The following CADM2 variants were observed in gnomAD, a reference collection of about 807,000 sequenced individuals.
The protein encoded by CADM2 is cell adhesion molecule 2.
A neutral mutation model predicts 49.8 loss-of-function variants in CADM2; 12 were observed. The observed-to-expected ratio is 0.24, with a 90% CI of 0.15 to 0.39. The LOEUF is 0.39. Among genes scored for constraint, CADM2 ranks in the 10% least tolerant of loss-of-function variants. The pLI, the probability that CADM2 is intolerant of heterozygous loss-of-function variation, is 1.00. For missense variants in CADM2, 378 were observed against 492.3 expected (o/e 0.77, Z 2.20); for synonymous variants, 214 against 175.4 (o/e 1.22, Z -1.74).
At chr3:85,897,928 A>G (rs1467680446) in intron 5 of CADM2, among the ~76,000 whole-genome samples, 1 of 152,222 alleles carries the variant, frequency 6.6e-6, no homozygotes, top group African/African-American at 2.4e-5. Context: ...TTAAACTTAT[A>G]GTATATGCCA....
intron 1 of CADM2, among the ~76,000 whole-genome samples, chr3:85,019,536 G>C (rs2034404857): frequency 6.6e-6 from 1 of 152,074 alleles, no homozygotes; most frequent in South Asian, 2.1e-4. Flanking sequence ...TCAGTCCTGA[G>C]CAAACCAAAA....
At chr3:85,481,432 G>T (rs950511518) in intron 1 of CADM2, among the ~76,000 whole-genome samples, 25 of 151,560 alleles carry the variant, frequency 1.6e-4, no homozygotes, top group Admixed American at 1.6e-3. Context: ...AGAGTGAATA[G>T]ATTCTTATTT....
At chr3:85,663,743 T>TA (rs1312561257) in intron 1 of CADM2, among the ~76,000 whole-genome samples, 2 of 151,986 alleles carry the variant, frequency 1.3e-5, no homozygotes, top group Admixed American at 6.6e-5. Flanking sequence ...TCCCTCATCT[T>TA]AAAAAAATTA....
intron 1 of CADM2, among the ~76,000 whole-genome samples, chr3:85,312,364 G>T (rs989668373): frequency 1.5e-4 from 23 of 152,120 alleles, no homozygotes; most frequent in African/African-American, 5.6e-4. Flanking sequence ...GAGATAGGAT[G>T]ACAATGTTGC....
chr3:85,235,601 A>C (rs2107823391), intron 1 of CADM2, among the ~76,000 whole-genome samples: 1 of 152,228 alleles, frequency 6.6e-6, no homozygotes, highest in Non-Finnish European at 1.5e-5. Flanking sequence ...TTGTTTTGTT[A>C]ATCTAGATTT....
chr3:85,497,164 T>C (rs1356349583), intron 1 of CADM2, among the ~76,000 whole-genome samples: 1 of 152,184 alleles, frequency 6.6e-6, no homozygotes, highest in East Asian at 1.9e-4. Context: ...CTCAAGGATT[T>C]TGCCACTTTT....
chr3:84,996,902 C>A (rs1216530241), intron 1 of CADM2, among the ~76,000 whole-genome samples: 1 of 151,952 alleles, frequency 6.6e-6, no homozygotes, highest in East Asian at 1.9e-4. Flanking sequence ...TAGAGGGGAA[C>A]AATTAATTTC....
At chr3:85,713,820 C>T (rs907997280) in intron 1 of CADM2, among the ~76,000 whole-genome samples, 2 of 152,290 alleles carry the variant, frequency 1.3e-5, no homozygotes, top group East Asian at 3.9e-4. Context: ...ATTAGCATGC[C>T]TTAAATACAA....
At chr3:85,273,361 A>C (rs1328572437) in intron 1 of CADM2, among the ~76,000 whole-genome samples, 1 of 151,320 alleles carries the variant, frequency 6.6e-6, no homozygotes, top group African/African-American at 2.4e-5. Context: ...GTTTTTGACA[A>C]TAACACTCTG....
intron 1 of CADM2, among the ~76,000 whole-genome samples, chr3:85,418,066 T>G (rs113855894): frequency 4.1e-4 from 63 of 152,264 alleles, no homozygotes; most frequent in Non-Finnish European, 8.1e-4. Context: ...TATTTGTTTT[T>G]TCAGTAAATA....
intron 1 of CADM2, among the ~76,000 whole-genome samples, chr3:85,721,307 A>G (rs1003068945): frequency 3.3e-5 from 5 of 152,168 alleles, no homozygotes; most frequent in Non-Finnish European, 7.3e-5. Context: ...AACATCTAAT[A>G]TATCTGAATA....
rs368761775 is a variant in CADM2 at position 85,021,109 on chromosome 3, C to G, written c.61+61441C>G. Among the ~76,000 whole-genome samples the G allele has an allele frequency of 3.3e-3, 403 of 123,032 alleles. 2 individuals are homozygous for G. The highest frequency in any genetic ancestry group is 0.012 in the African/African-American group (378 of 31,774). 80.7% of individuals were successfully genotyped at this position (123,032 alleles called of 152,430 possible). A position where few individuals can be genotyped will look rare whatever the true frequency, so the allele number is the denominator to read the frequency against. On this transcript the variant is annotated intron_variant, in intron 1 of 9. Transcript: ENST00000383699. ...TACAGCCTGGGTGACAGAGTGAGAC[C>G]CTGTCTCAAAAAAAAAAAAAAAAAG...
intron 1 of CADM2, among the ~76,000 whole-genome samples, chr3:85,091,945 A>G (rs897405094): frequency 1.3e-5 from 2 of 152,166 alleles, no homozygotes; most frequent in African/African-American, 2.4e-5. Context: ...AGTTGTAGCA[A>G]TTGAATAAAT....
chr3:85,551,801 T>G (rs914378224), intron 1 of CADM2, among the ~76,000 whole-genome samples: 2 of 152,174 alleles, frequency 1.3e-5, no homozygotes, highest in Non-Finnish European at 2.9e-5. Context: ...GGTATATAAT[T>G]TCATAGAAAT....
At chr3:86,024,974 G>T (rs1733702399) in intron 8 of CADM2, among the ~76,000 whole-genome samples, 2 of 151,860 alleles carry the variant, frequency 1.3e-5, no homozygotes. Context: ...CACCTCCCAG[G>T]CTCAAGCGAT....
At chr3:85,101,607 T>G (rs950179336) in intron 1 of CADM2, among the ~76,000 whole-genome samples, 1 of 152,234 alleles carries the variant, frequency 6.6e-6, no homozygotes, top group Admixed American at 6.5e-5. Flanking sequence ...AATTCATTTG[T>G]CTAATCAATT....
chr3:85,190,083 T>C (rs1292882478), intron 1 of CADM2, among the ~76,000 whole-genome samples: 1 of 150,510 alleles, frequency 6.6e-6, no homozygotes, highest in Non-Finnish European at 1.5e-5. Context: ...CATAACCTAA[T>C]CTCCGAAATG....
At chr3:85,230,696 G>C (rs1242971684) in intron 1 of CADM2, among the ~76,000 whole-genome samples, 3 of 152,128 alleles carry the variant, frequency 2.0e-5, no homozygotes, top group Non-Finnish European at 4.4e-5. Flanking sequence ...CTCAGATACT[G>C]CTTGTATAAG....
chr3:85,743,667 C>A (rs548571694), intron 2 of CADM2, among the ~76,000 whole-genome samples: 40 of 152,210 alleles, frequency 2.6e-4, no homozygotes, highest in Non-Finnish European at 5.1e-4. Flanking sequence ...GTAGAATATT[C>A]TACAAACCTG....
Sources: allele counts gnomAD v4.1 joint callset (sites outside exome capture counted in the v4.1 genomes callset), GRCh38; gene constraint gnomAD v4.1.1; transcripts MANE v1.5; gene names NCBI Gene and HGNC (gene_info 2026-07-23, HGNC 2026-07-21).